The following NNAT variants were observed in gnomAD, a reference collection of about 807,000 sequenced individuals.
NNAT encodes neuronatin.
Under a neutral mutation model 12.7 loss-of-function variants are expected in NNAT, and 8 were observed. The observed-to-expected ratio is 0.63, with a 90% CI of 0.37 to 1.14. The LOEUF is 1.14. Among genes scored for constraint, NNAT ranks in the 50% most tolerant of loss-of-function variants. The pLI is 0.01. For missense variants in NNAT, 94 were observed against 108.3 expected, an observed-to-expected ratio of 0.87 and a Z score of 0.59; for synonymous variants, 52 against 48.5, an observed-to-expected ratio of 1.07 and a Z score of -0.30.
Position 37,522,763 on chromosome 20 carries a change from C to T in NNAT, c.*4C>T, listed in dbSNP as rs373031829. On this transcript the variant is annotated 3_prime_UTR_variant, in exon 3 of 3. Coordinates refer to ENST00000649451, the MANE Select transcript of NNAT (RefSeq NM_005386.4). ...CAGGCAGCGAGCCCCCAACTGAGGC[C>T]CCAGCTCCCAGCCCTGGGCGGCCGT... is the stretch of plus-strand genomic sequence containing the variant. The T allele has an allele frequency of 2.5e-6, 4 of 1,593,108 alleles. No individual in the cohort carries two copies. The highest frequency in any genetic ancestry group is 1.3e-5 in the African/African-American group (1 of 74,508).
rs2071572214 is a variant in NNAT at position 37,521,506 on chromosome 20, G to T, written c.72+103G>T. 5 of 1,172,418 alleles carry T rather than the reference G, an allele frequency of 4.3e-6. No individual in the cohort carries two copies. 72.6% of individuals were successfully genotyped at this position (1,172,418 alleles called of 1,614,324 possible). On this transcript the variant is annotated intron_variant, in intron 1 of 2. Coordinates refer to ENST00000649451, the MANE Select transcript of NNAT (RefSeq NM_005386.4). This position sits in a 1 kb window ranked among gnomAD's most constrained non-coding sequence, Gnocchi z 4.5. ...CCGCTTCCCGGACCCGTCCTATTCC[G>T]ATTGCCGCGATCCTTGCCTGCCCAA...
rs1342895217 is a variant in NNAT at position 37,521,437 on chromosome 20, TC to T, written c.72+37del. The T allele has an allele frequency of 1.2e-6, 2 of 1,603,468 alleles. No individual in the cohort carries two copies. Among genetic ancestry groups the T allele is most frequent in the Non-Finnish European group, 1.7e-6 (2 of 1,170,284 alleles). The stretch of plus-strand genomic sequence containing the variant: ...GACGGGGTTTCGGGTGGGAGAGGGT[TC>T]CCAACTCGCGCCCCTAGAACCCGCA... On this transcript the variant is annotated intron_variant, in intron 1 of 2. Coordinates refer to ENST00000649451, the MANE Select transcript of NNAT (RefSeq NM_005386.4). This position sits in a 1 kb window ranked among gnomAD's most constrained non-coding sequence, Gnocchi z 4.5.
In NNAT at chr20:37,522,740, G is replaced by C; in HGVS notation, c.227G>C (p.Arg76Thr). 1.2e-6 allele frequency: 2 copies of C among 1,607,548 alleles called. No individual in the cohort carries two copies. The highest frequency in any genetic ancestry group is 1.7e-6 in the Non-Finnish European group (2 of 1,177,620). The change falls in exon 3 of 3, where the codon AGG becomes ACG. Residue 76 changes from arginine (R) to threonine (T), a missense_variant. By Grantham distance (71) the Arg-to-Thr change is moderately conservative. Coordinates refer to ENST00000649451, the MANE Select transcript of NNAT (RefSeq NM_005386.4). ...RTGRQVLGER[R>T]QRAPN ...GGGCGGCAGGTGTTGGGGGAGCGCAGGCAGCGAGCCCCCAACTGAGGCCCC... is the reference window on the plus strand; with the variant it reads ...GGGCGGCAGGTGTTGGGGGAGCGCACGCAGCGAGCCCCCAACTGAGGCCCC...
rs767660247 is a variant in NNAT at position 37,521,344 on chromosome 20, G to A, written c.13G>A (p.Ala5Thr). Reference sequence around the variant, plus strand: ...CATTCTTGGAACCATGGCGGCAGTGGCGGCGGCCTCGGCTGAACTGCTCAT... The same window carrying A: ...CATTCTTGGAACCATGGCGGCAGTGACGGCGGCCTCGGCTGAACTGCTCAT... MAAV[A>T]AASAELLIIG... The change falls in exon 1 of 3, where the codon GCG becomes ACG. Residue 5 changes from alanine to threonine, a missense_variant. Transcript: ENST00000649451. The surrounding 1 kb of genome is among the most constrained non-coding windows in gnomAD (Gnocchi z 4.5). 6.2e-7 allele frequency: 1 copy of A among 1,614,098 alleles called. No homozygotes were observed. Among genetic ancestry groups the A allele is most frequent in the Non-Finnish European group, 8.5e-7 (1 of 1,179,960 alleles).
At position 37,521,460 on chromosome 20, in the gene NNAT, C is replaced by G; in HGVS notation, c.72+57C>G. ...GTTCCCAACTCGCGCCCCTAGAACC[C>G]GCAAGACTGCGTCGCGATTGCCGCT... On this transcript the variant is annotated intron_variant, in intron 1 of 2. Coordinates refer to ENST00000649451, the MANE Select transcript of NNAT (RefSeq NM_005386.4). This position sits in a 1 kb window ranked among gnomAD's most constrained non-coding sequence, Gnocchi z 4.5. 19 of 1,530,120 alleles carry G rather than the reference C, an allele frequency of 1.2e-5. No homozygotes were observed. Among genetic ancestry groups the G allele is most frequent in the Non-Finnish European group, 1.7e-5 (19 of 1,103,522 alleles). 94.8% of individuals were successfully genotyped at this position (1,530,120 alleles called of 1,614,324 possible). A position where few individuals can be genotyped will look rare whatever the true frequency, so the allele number is the denominator to read the frequency against.
At position 37,522,697 on chromosome 20, in the gene NNAT, T is replaced by G; in HGVS notation, c.184T>G (p.Tyr62Asp). 1 of 1,612,404 alleles carries G rather than the reference T, an allele frequency of 6.2e-7. No homozygotes were observed. Among genetic ancestry groups the G allele is most frequent in the Non-Finnish European group, 8.5e-7 (1 of 1,179,550 alleles). The change falls in exon 3 of 3, where the codon TAC becomes GAC. Residue 62 changes from tyrosine (Y) to aspartate (D), a missense_variant. By Grantham distance (160) the Tyr-to-Asp change is radical. Transcript: ENST00000649451. ...CAGGTACTCCCTGCAGAAGCTGGCATACACGGTGTCGCGGACCGGGCGGCA... is the reference window on the plus strand; with the variant it reads ...CAGGTACTCCCTGCAGAAGCTGGCAGACACGGTGTCGCGGACCGGGCGGCA... ...VFRYSLQKLA[Y>D]TVSRTGRQVL...
chr20:37,522,243 T>C (rs945124667), intron 1 of NNAT, 115 bp from the exon 2 acceptor site: 4 of 588,950 alleles, frequency 6.8e-6, no homozygotes, highest in African/African-American at 5.7e-5. Context: ...TAAAAAGAGA[T>C]AAATCAGAAG....
rs749242437 is a variant in NNAT at position 37,522,927 on chromosome 20, C to T, written c.*168C>T. 21 of 591,232 alleles carry T rather than the reference C, an allele frequency of 3.6e-5. 1 individual carries two copies. The highest frequency in any genetic ancestry group is 3.6e-5 in the Non-Finnish European group (12 of 336,330). The allele number at this position is 591,232 out of a possible 1,614,324, so 36.6% of individuals were successfully genotyped here. ...CAGTAGACCCCCGGAGAAGCAGTAC[C>T]GACAATGACGAAGATACCAGATCCC... On this transcript the variant is annotated 3_prime_UTR_variant, in exon 3 of 3. Transcript: ENST00000649451.
In NNAT at chr20:37,521,521, T is replaced by C; in HGVS notation, c.72+118T>C. On this transcript the variant is annotated intron_variant, in intron 1 of 2. Transcript: ENST00000649451. This position sits in a 1 kb window ranked among gnomAD's most constrained non-coding sequence, Gnocchi z 4.5. ...GTCCTATTCCGATTGCCGCGATCCT[T>C]GCCTGCCCAAGTGCCGCTGCCGGCA... is the stretch of plus-strand genomic sequence containing the variant. 5.6e-6 allele frequency: 6 copies of C among 1,066,374 alleles called. No homozygotes were observed. Among genetic ancestry groups the C allele is most frequent in the East Asian group, 2.5e-5 (1 of 40,664 alleles). The allele number at this position is 1,066,374 out of a possible 1,614,324, so 66.1% of individuals were successfully genotyped here.
At chr20:37,522,486 A>T in intron 2 of NNAT, 48 bp downstream of exon 2, 1 of 1,566,408 alleles carries the variant, frequency 6.4e-7, no homozygotes, top group Non-Finnish European at 8.8e-7. Context: ...TGCAGCTCTC[A>T]GCACAGTTGG....
Position 37,521,252 on chromosome 20 carries a change from T to G in NNAT, c.-80T>G. 1 of 1,464,052 alleles carries G rather than the reference T, an allele frequency of 6.8e-7. No homozygotes were observed. 90.7% of individuals were successfully genotyped at this position (1,464,052 alleles called of 1,614,324 possible). On this transcript the variant is annotated 5_prime_UTR_variant, in exon 1 of 3. Coordinates refer to ENST00000649451, the MANE Select transcript of NNAT (RefSeq NM_005386.4). The surrounding 1 kb of genome is among the most constrained non-coding windows in gnomAD (Gnocchi z 4.5). ...GGCGCGGCCACCGCGGCTGCGGCAG[T>G]GCGCCCAACAGCGGACTCCGAGACC...
intron 2 of NNAT, 56 bp downstream of exon 2, chr20:37,522,494 T>C (rs1601093980): frequency 6.5e-7 from 1 of 1,549,994 alleles, no homozygotes; most frequent in East Asian, 2.3e-5. Flanking sequence ...TCAGCACAGT[T>C]GGAAAAGCTC....
At position 37,521,415 on chromosome 20, in the gene NNAT, G is replaced by A. The variant is rs1271494831; in HGVS notation, c.72+12G>A. ...GCGTGCTGCTGCAGGTAAGTCTGAC[G>A]GGGTTTCGGGTGGGAGAGGGTTCCC... On this transcript the variant is annotated intron_variant, in intron 1 of 2. Transcript: ENST00000649451. The surrounding 1 kb of genome is among the most constrained non-coding windows in gnomAD (Gnocchi z 4.5). The A allele has an allele frequency of 3.7e-6, 6 of 1,613,918 alleles. No homozygotes were observed. Among genetic ancestry groups the A allele is most frequent in the East Asian group, 2.2e-5 (1 of 44,864 alleles).
chr20:37,522,256 A>G, intron 1 of NNAT, 102 bp from the exon 2 acceptor site: 1 of 733,162 alleles, frequency 1.4e-6, no homozygotes, highest in Non-Finnish European at 2.3e-6. Context: ...ATCAGAAGAA[A>G]GCGCTTTGCC....
In NNAT at chr20:37,521,547, CCG is replaced by C; in HGVS notation, c.72+150_72+151del. 2 of 791,706 alleles carry C rather than the reference CCG, an allele frequency of 2.5e-6. No individual in the cohort carries two copies. Among genetic ancestry groups the C allele is most frequent in the South Asian group, 3.2e-5 (2 of 62,622 alleles). 49.0% of individuals were successfully genotyped at this position (791,706 alleles called of 1,614,324 possible). On this transcript the variant is annotated intron_variant, in intron 1 of 2. Coordinates refer to ENST00000649451, the MANE Select transcript of NNAT (RefSeq NM_005386.4). The surrounding 1 kb of genome is among the most constrained non-coding windows in gnomAD (Gnocchi z 4.5). ...GCCTGCCCAAGTGCCGCTGCCGGCACCGCGCGCCCCCTGCCCATTCCCTGCGC... is the reference window on the plus strand; with the variant it reads ...GCCTGCCCAAGTGCCGCTGCCGGCACCGCGCCCCCTGCCCATTCCCTGCGC...
intron 2 of NNAT, 69 bp from the exon 3 acceptor site, chr20:37,522,598 G>GGGGGGGGGGGGGGGCCCC: frequency 1.2e-6 from 1 of 864,444 alleles, no homozygotes; most frequent in Non-Finnish European, 1.7e-6. Flanking sequence ...GCGGGGGTGG[G>GGGGGGGGGGGGGGGCCCC]CACGGCAGCA....
At position 37,522,653 on chromosome 20, in the gene NNAT, G is replaced by A. The variant is rs768932833; in HGVS notation, c.154-14G>A. On this transcript the variant is annotated splice_polypyrimidine_tract_variant and intron_variant, in intron 2 of 2. Transcript: ENST00000649451. Reference sequence around the variant, plus strand: ...GCTCTCCACTAAGGGTGGGTCCTGGGTTTCTCGTCGCAGGTGTTCAGGTAC... The same window carrying A: ...GCTCTCCACTAAGGGTGGGTCCTGGATTTCTCGTCGCAGGTGTTCAGGTAC... 4.4e-6 allele frequency: 7 copies of A among 1,606,318 alleles called. No homozygotes were observed. The South Asian group carries it at 4.5e-5, about 10-fold the overall frequency.
At chr20:37,522,180 C>CAAAAAAAAAAAAAAAAA (rs34619095) in intron 1 of NNAT, among the ~76,000 whole-genome samples, 178 bp from the exon 2 acceptor site, 1 of 104,776 alleles carries the variant, frequency 9.5e-6, no homozygotes, top group Non-Finnish European at 2.1e-5. Flanking sequence ...AATTGCTTTA[C>CAAAAAAAAAAAAAAAAA]AAAAAAAAAA....
Position 37,521,538 on chromosome 20 carries a change from C to A in NNAT, c.72+135C>A. On this transcript the variant is annotated intron_variant, in intron 1 of 2. Coordinates refer to ENST00000649451, the MANE Select transcript of NNAT (RefSeq NM_005386.4). This position sits in a 1 kb window ranked among gnomAD's most constrained non-coding sequence, Gnocchi z 4.5. ...GCGATCCTTGCCTGCCCAAGTGCCG[C>A]TGCCGGCACCGCGCGCCCCCTGCCC... The A allele has an allele frequency of 1.1e-6, 1 of 881,908 alleles. No homozygotes were observed. The highest frequency in any genetic ancestry group is 1.5e-5 in the South Asian group (1 of 66,374). The allele number at this position is 881,908 out of a possible 1,614,324, so 54.6% of individuals were successfully genotyped here.
Sources: gnomAD v4.1 joint callset for allele counts (sites outside exome capture counted in the v4.1 genomes callset) on GRCh38, gnomAD v4.1.1 for gene constraint, Gnocchi (gnomAD v3.1) non-coding constraint, MANE v1.5 for transcripts, NCBI Gene and HGNC (gene_info 2026-07-23, HGNC 2026-07-21) for gene names.